The following ZFPM1 variants were observed in gnomAD, a reference collection of about 807,000 sequenced individuals.
The protein encoded by ZFPM1 is zinc finger protein, FOG family member 1.
Under a neutral mutation model 46.3 loss-of-function variants are expected in ZFPM1, and 28 were observed. The ratio of observed to expected loss-of-function variants is 0.60; its 90% CI spans 0.45 to 0.83. The LOEUF is 0.83. Among genes scored for constraint, ZFPM1 ranks in the 40% least tolerant of loss-of-function variants. ZFPM1 has a pLI of 0.00. For missense variants in ZFPM1, 1,878 were observed against 1,432.4 expected, an observed-to-expected ratio of 1.31 and a Z score of -5.02; for synonymous variants, 957 against 675.9, an observed-to-expected ratio of 1.42 and a Z score of -6.45.
chr16:88,519,749 G>T (rs1201329104), intron 4 of ZFPM1, among the ~76,000 whole-genome samples: 1 of 139,728 alleles, frequency 7.2e-6, no homozygotes, highest in Non-Finnish European at 1.6e-5. Context: ...TGGATGAATA[G>T]ATGGACAGAT....
At chr16:88,466,403 G>A (rs971665497) in intron 1 of ZFPM1, among the ~76,000 whole-genome samples, 1 of 152,206 alleles carries the variant, frequency 6.6e-6, no homozygotes, top group Non-Finnish European at 1.5e-5. Flanking sequence ...GAACAGAAGG[G>A]ACCCTGGCTT....
At chr16:88,519,130 GTGGATGGATGGA>G (rs545032519) in intron 4 of ZFPM1, among the ~76,000 whole-genome samples, 1 of 121,154 alleles carries the variant, frequency 8.3e-6, no homozygotes, top group Non-Finnish European at 1.7e-5. Flanking sequence ...GGATGGATGG[GTGGATGGATGGA>G]TGGATGGATG....
intron 1 of ZFPM1, among the ~76,000 whole-genome samples, chr16:88,473,053 C>T (rs978202224): frequency 1.3e-5 from 2 of 152,262 alleles, no homozygotes; most frequent in African/African-American, 2.4e-5. Flanking sequence ...TGCCGTCCCC[C>T]GTGGGACCGG....
chr16:88,532,453 C>G (rs1034364569), intron 7 of ZFPM1, among the ~76,000 whole-genome samples, 161 bp from the exon 8 acceptor site: 10 of 151,776 alleles, frequency 6.6e-5, no homozygotes, highest in Non-Finnish European at 1.5e-4. Flanking sequence ...ACTGCTGTCC[C>G]GAGAGACAAA....
intron 1 of ZFPM1, among the ~76,000 whole-genome samples, chr16:88,462,514 C>T (rs191520940): frequency 1.0e-3 from 154 of 152,190 alleles, no homozygotes; most frequent in Middle Eastern, 3.4e-3. Flanking sequence ...AGCGGCAGGG[C>T]AGGGTGACCC....
At position 88,533,671 on chromosome 16, in the gene ZFPM1, C is replaced by G. The variant is rs13335396; in HGVS notation, c.1713C>G (p.Pro571=). Residue 571 remains proline (P), a synonymous_variant, in exon 10 of 10, where the codon CCC becomes CCG. Coordinates refer to ENST00000319555, the MANE Select transcript of ZFPM1 (RefSeq NM_153813.3). ...GAGGAQTGLF[P]GAPKGATCFE... ...GCGGCGCGCAGACCGGGCTCTTCCC[C>G]GGGGCCCCCAAGGGCGCTACGTGCT... The G allele has an allele frequency of 0.99, 1,464,645 of 1,484,112 alleles. 724,905 individuals are homozygous for G. Among genetic ancestry groups the G allele is most frequent in the Non-Finnish European group, 1 (1,111,854 of 1,112,082 alleles). 91.9% of individuals were successfully genotyped at this position (1,484,112 alleles called of 1,614,324 possible). A position where few individuals can be genotyped will look rare whatever the true frequency, so the allele number is the denominator to read the frequency against.
chr16:88,523,915 G>A (rs898241236), intron 4 of ZFPM1, among the ~76,000 whole-genome samples: 2 of 152,214 alleles, frequency 1.3e-5, no homozygotes, highest in Non-Finnish European at 2.9e-5. Context: ...ACTCGGCGGG[G>A]CCGGGCGGGA....
At chr16:88,460,923 GGGGC>G (rs1907797891) in intron 1 of ZFPM1, among the ~76,000 whole-genome samples, 1 of 48,928 alleles carries the variant, frequency 2.0e-5, no homozygotes, top group South Asian at 9.2e-4. Flanking sequence ...ACCGAGGGGC[GGGGC>G]GGGAGGCCTG....
intron 4 of ZFPM1, among the ~76,000 whole-genome samples, chr16:88,521,280 G>C (rs1281883319): frequency 6.7e-6 from 1 of 149,958 alleles, no homozygotes; most frequent in Non-Finnish European, 1.5e-5. Context: ...TAAAGGGAGA[G>C]TGGCCTGACT....
chr16:88,519,086 A>ATGGC (rs746590616), intron 4 of ZFPM1, among the ~76,000 whole-genome samples: 19 of 90,356 alleles, frequency 2.1e-4, no homozygotes, highest in Admixed American at 5.8e-4. Context: ...GGATGGATGG[A>ATGGC]TGGCTGAGAG....
intron 1 of ZFPM1, among the ~76,000 whole-genome samples, chr16:88,476,895 C>T (rs1427263128): frequency 6.6e-6 from 1 of 152,264 alleles, no homozygotes; most frequent in African/African-American, 2.4e-5. Flanking sequence ...CTTCCCACTT[C>T]TGGCCCGGGA....
At chr16:88,496,767 C>T (rs184262178) in intron 3 of ZFPM1, among the ~76,000 whole-genome samples, 22 of 152,290 alleles carry the variant, frequency 1.4e-4, no homozygotes, top group African/African-American at 4.8e-4. Flanking sequence ...AGGAGATCGC[C>T]TCTCACTGGG....
At chr16:88,487,967 G>A (rs536595996) in intron 2 of ZFPM1, among the ~76,000 whole-genome samples, 45 of 152,358 alleles carry the variant, frequency 3.0e-4, no homozygotes, top group Admixed American at 2.6e-4. Context: ...GTCGGCACAC[G>A]CTGCTCGTGG....
chr16:88,486,234 G>T (rs1000030630), intron 2 of ZFPM1, among the ~76,000 whole-genome samples, 191 bp downstream of exon 2: 1 of 152,228 alleles, frequency 6.6e-6, no homozygotes, highest in African/African-American at 2.4e-5. Flanking sequence ...CTCCAGGAAA[G>T]GGGAGATGTG....
At chr16:88,482,284 C>T (rs973955831) in intron 1 of ZFPM1, among the ~76,000 whole-genome samples, 2 of 152,054 alleles carry the variant, frequency 1.3e-5, no homozygotes, top group African/African-American at 2.4e-5. Context: ...GGGCCACAGA[C>T]GAGACCGGTG....
intron 3 of ZFPM1, among the ~76,000 whole-genome samples, chr16:88,505,878 C>A (rs529013016): frequency 8.5e-5 from 13 of 152,256 alleles, no homozygotes; most frequent in African/African-American, 3.1e-4. Context: ...CAGGGCCCCC[C>A]CATGGGGCTT....
At chr16:88,532,991 G>A (rs567698893) in intron 9 of ZFPM1, 56 bp downstream of exon 9, 35 of 1,603,812 alleles carry the variant, frequency 2.2e-5, no homozygotes, top group African/African-American at 2.7e-5. Context: ...GCAGTGGGAA[G>A]GGAGTGGGCT....
chr16:88,533,097 G>C lies in ZFPM1; in HGVS notation c.1190-51G>C, dbSNP rs112405286. The C allele has an allele frequency of 1.4e-3, 1,535 of 1,084,286 alleles. 17 individuals are homozygous for C. In the African/African-American group the frequency reaches 0.025, roughly 18 times the overall value. 67.2% of individuals were successfully genotyped at this position (1,084,286 alleles called of 1,614,324 possible). On this transcript the variant is annotated intron_variant, in intron 9 of 9. Transcript: ENST00000319555. ...CGGAGCTCGCCCTCCAGCTCTGACC[G>C]GCCAGGTCCTGCCCCAGGCCTGAGG... is the stretch of plus-strand genomic sequence containing the variant.
At position 88,489,096 on chromosome 16, in the gene ZFPM1, C is replaced by G; in HGVS notation, c.211C>G (p.Gln71Glu). The G allele has an allele frequency of 6.2e-7, 1 of 1,612,978 alleles. No individual in the cohort carries two copies. ...SPGGPKELEG[Q>E]EPEPRPTEEE... ...AGGAGGCCCCAAGGAGCTGGAAGGA[C>G]AGGAACCAGAACCCAGGCCCACGGA... Residue 71 changes from glutamine (Q) to glutamate (E), a missense_variant, in exon 3 of 10, where the codon CAG becomes GAG. Coordinates refer to ENST00000319555, the MANE Select transcript of ZFPM1 (RefSeq NM_153813.3).
Sources: allele counts gnomAD v4.1 joint callset (sites outside exome capture counted in the v4.1 genomes callset), GRCh38; gene constraint gnomAD v4.1.1; transcripts MANE v1.5; gene names NCBI Gene and HGNC (gene_info 2026-07-23, HGNC 2026-07-21).